SNTB1: variants seen among roughly 807,000 people sequenced by gnomAD.
The protein encoded by SNTB1 is syntrophin beta 1, also known as beta-1-syntrophin.
SNTB1 carries 36 observed loss-of-function variants against 48.9 expected under a neutral mutation model. That is an observed-to-expected ratio of 0.74 (90% confidence interval 0.56 to 0.97). The LOEUF is 0.97. SNTB1 is among the 50% of genes least tolerant of loss of function. SNTB1 has a pLI of 0.00. For missense variants in SNTB1, 786 were observed against 703.4 expected, an observed-to-expected ratio of 1.12 and a Z score of -1.33; for synonymous variants, 299 against 294.6, an observed-to-expected ratio of 1.01 and a Z score of -0.15.
intron 1 of SNTB1, among the ~76,000 whole-genome samples, chr8:120,737,228 G>T (rs1490285755): frequency 2.0e-5 from 3 of 152,136 alleles, no homozygotes; most frequent in Non-Finnish European, 4.4e-5. Flanking sequence ...TCTCAACCTT[G>T]CAAGGTAGGT....
At chr8:120,762,598 T>G (rs1479743435) in intron 1 of SNTB1, among the ~76,000 whole-genome samples, 1 of 152,212 alleles carries the variant, frequency 6.6e-6, no homozygotes, top group Non-Finnish European at 1.5e-5. Context: ...AACATGTTAC[T>G]TTGCCATATG....
At chr8:120,677,283 T>C (rs1817852928) in intron 2 of SNTB1, among the ~76,000 whole-genome samples, 1 of 152,192 alleles carries the variant, frequency 6.6e-6, no homozygotes, top group Admixed American at 6.5e-5. Context: ...TATAAATTTA[T>C]TGGAATATTT....
intron 4 of SNTB1, among the ~76,000 whole-genome samples, chr8:120,553,263 A>T (rs1241688118): frequency 4.6e-5 from 7 of 152,264 alleles, no homozygotes; most frequent in Admixed American, 4.6e-4. Flanking sequence ...AACCAAGTGT[A>T]AATTCTCTAA....
At chr8:120,556,233 G>C (rs1815565110) in intron 4 of SNTB1, among the ~76,000 whole-genome samples, 1 of 152,160 alleles carries the variant, frequency 6.6e-6, no homozygotes. Context: ...TTATGGAAGA[G>C]AGTCGGAACC....
In SNTB1 at chr8:120,811,823, C is replaced by A. The variant is rs190526297; in HGVS notation, c.21G>T (p.Ala7=). The change falls in exon 1 of 7, where the codon GCG becomes GCT. Residue 7 remains alanine, a synonymous_variant. Coordinates refer to ENST00000517992, the MANE Select transcript of SNTB1 (RefSeq NM_021021.4). ...CCGCGCCAGCCGGCCCAGCCGCCGC[C>A]GCCGCCGCCGCTACCGCCATCTTTC... MAVAAA[A]AAAGPAGAGG... is the part of the protein sequence containing the mutation. The A allele has an allele frequency of 0.061, 82,781 of 1,350,420 alleles. 2,875 individuals carry two copies. Among genetic ancestry groups the A allele is most frequent in the African/African-American group, 0.12 (7,850 of 64,942 alleles). The allele number at this position is 1,350,420 out of a possible 1,614,324, so 83.7% of individuals were successfully genotyped here.
intron 1 of SNTB1, among the ~76,000 whole-genome samples, chr8:120,796,927 A>C (rs1820128529): frequency 6.6e-6 from 1 of 152,068 alleles, no homozygotes; most frequent in Non-Finnish European, 1.5e-5. Context: ...TTTTGTGTGC[A>C]TGTTTTACAT....
chr8:120,730,440 G>A (rs1217758766), intron 1 of SNTB1, among the ~76,000 whole-genome samples: 1 of 152,016 alleles, frequency 6.6e-6, no homozygotes, highest in African/African-American at 2.4e-5. Context: ...CACCCTCCTC[G>A]GCCTCCCAAA....
intron 2 of SNTB1, chr8:120,655,016 A>C (rs1213588504): frequency 4.4e-6 from 2 of 455,766 alleles, no homozygotes; most frequent in Non-Finnish European, 8.8e-6. Context: ...CAGTTCCTCA[A>C]ATCTGTGATT....
intron 2 of SNTB1, chr8:120,638,029 A>G (rs1204721654): frequency 1.2e-5 from 2 of 165,702 alleles, no homozygotes; most frequent in African/African-American, 2.4e-5. Flanking sequence ...GTATGCCCCA[A>G]TCTCTGAGAT....
chr8:120,590,610 A>T (rs796519946), intron 3 of SNTB1, among the ~76,000 whole-genome samples: 1 of 152,004 alleles, frequency 6.6e-6, no homozygotes, highest in South Asian at 2.1e-4. Context: ...TCTTATCAGC[A>T]TATCCTTACA....
chr8:120,683,031 G>A (rs933210577), intron 2 of SNTB1, among the ~76,000 whole-genome samples: 17 of 151,798 alleles, frequency 1.1e-4, no homozygotes, highest in Non-Finnish European at 2.4e-4. Context: ...ACAGGCGCCC[G>A]CCACTGCGCC....
chr8:120,566,158 G>A (rs1371816364), intron 4 of SNTB1, among the ~76,000 whole-genome samples: 1 of 151,952 alleles, frequency 6.6e-6, no homozygotes, highest in Non-Finnish European at 1.5e-5. Context: ...ATTAGCCAGT[G>A]TCTTTATTAA....
chr8:120,789,685 G>A (rs557726604), intron 1 of SNTB1, among the ~76,000 whole-genome samples: 15 of 152,000 alleles, frequency 9.9e-5, no homozygotes, highest in African/African-American at 3.4e-4. Context: ...CTTGAATCAG[G>A]AAGAAATAGA....
chr8:120,809,988 T>C (rs1432769574), intron 1 of SNTB1, among the ~76,000 whole-genome samples: 2 of 152,134 alleles, frequency 1.3e-5, no homozygotes, highest in Non-Finnish European at 2.9e-5. Flanking sequence ...TTTCACACAC[T>C]AGTGCCACGA....
intron 1 of SNTB1, among the ~76,000 whole-genome samples, chr8:120,727,231 C>G (rs1404203304): frequency 6.6e-6 from 1 of 152,174 alleles, no homozygotes; most frequent in Non-Finnish European, 1.5e-5. Flanking sequence ...CTGCCTAAAG[C>G]TTTAGGGGTG....
At chr8:120,566,773 C>T (rs545055516) in intron 4 of SNTB1, among the ~76,000 whole-genome samples, 21 of 152,212 alleles carry the variant, frequency 1.4e-4, no homozygotes, top group Admixed American at 4.6e-4. Flanking sequence ...TTTAACAGTC[C>T]CAGATGGTGT....
At chr8:120,614,949 G>T in intron 3 of SNTB1, among the ~76,000 whole-genome samples, 1 of 130,646 alleles carries the variant, frequency 7.7e-6, no homozygotes, top group South Asian at 2.5e-4. Context: ...AACCATCCTG[G>T]CCAACATGGT....
intron 5 of SNTB1, among the ~76,000 whole-genome samples, chr8:120,546,547 C>T (rs1815383564): frequency 6.6e-6 from 1 of 152,174 alleles, no homozygotes; most frequent in African/African-American, 2.4e-5. Context: ...ATGATTTTGG[C>T]TCACTGCAAC....
chr8:120,691,841 T>G (rs954119887), intron 2 of SNTB1, among the ~76,000 whole-genome samples: 2 of 152,198 alleles, frequency 1.3e-5, no homozygotes, highest in Non-Finnish European at 2.9e-5. Context: ...TGATAGGCAC[T>G]CAATACTACA....
Sources: gnomAD v4.1 joint callset for allele counts (sites outside exome capture counted in the v4.1 genomes callset) on GRCh38, gnomAD v4.1.1 for gene constraint, MANE v1.5 for transcripts, NCBI Gene and HGNC (gene_info 2026-07-23, HGNC 2026-07-21) for gene names.